ASAP2: variants seen among roughly 807,000 people sequenced by gnomAD.
The protein encoded by ASAP2 is arf-GAP with SH3 domain, ANK repeat and PH domain-containing protein 2.
Under a neutral mutation model 131.4 loss-of-function variants are expected in ASAP2, and 45 were observed. The ratio of observed to expected loss-of-function variants is 0.34; its 90% CI spans 0.27 to 0.44. The LOEUF is 0.44. Among genes scored for constraint, ASAP2 ranks in the 20% least tolerant of loss-of-function variants. The pLI, the probability that ASAP2 is intolerant of heterozygous loss-of-function variation, is 1.00. For missense variants in ASAP2, 1,011 were observed against 1,297.0 expected, an observed-to-expected ratio of 0.78 and a Z score of 3.39; for synonymous variants, 510 against 503.0, an observed-to-expected ratio of 1.01 and a Z score of -0.19.
intron 1 of ASAP2, among the ~76,000 whole-genome samples, chr2:9,241,911 T>A (rs759895832): frequency 1.1e-4 from 17 of 152,140 alleles, no homozygotes; most frequent in Non-Finnish European, 2.4e-4. Context: ...AGGGTCCCAA[T>A]AAGTTTAGGG....
chr2:9,277,116 T>C (rs1371773713), intron 1 of ASAP2, among the ~76,000 whole-genome samples: 3 of 152,218 alleles, frequency 2.0e-5, no homozygotes, highest in Non-Finnish European at 4.4e-5. Flanking sequence ...AAATGTGCTT[T>C]TCAAGAATGG....
At chr2:9,378,403 A>G (rs1321328391) in intron 18 of ASAP2, among the ~76,000 whole-genome samples, 1 of 152,228 alleles carries the variant, frequency 6.6e-6, no homozygotes, top group African/African-American at 2.4e-5. Context: ...GGGTATTCCC[A>G]GGGCAAACAG....
intron 1 of ASAP2, among the ~76,000 whole-genome samples, chr2:9,275,141 C>T (rs148130799): frequency 2.0e-4 from 29 of 148,284 alleles, no homozygotes; most frequent in East Asian, 7.9e-4. Context: ...AGGGCAGTGG[C>T]GCAATCATGG....
In ASAP2 at chr2:9,311,178, G is replaced by A. The variant is rs2148460827; in HGVS notation, c.346-7346G>A. Among the ~76,000 whole-genome samples, 1 of 152,230 alleles carries A rather than the reference G, an allele frequency of 6.6e-6. No individual in the cohort carries two copies. Among genetic ancestry groups the A allele is most frequent in the African/African-American group, 2.4e-5 (1 of 41,546 alleles). On this transcript the variant is annotated intron_variant, in intron 3 of 27. Coordinates refer to ENST00000281419, the MANE Select transcript of ASAP2 (RefSeq NM_003887.3). The surrounding 1 kb of genome is among the most constrained non-coding windows in gnomAD (Gnocchi z 5.2). ...AGGCTGAGGTGGGTAGGTTGCTTGA[G>A]CCCAGAAGTTTGAGACCAGCGTTGG...
chr2:9,375,106 C>CAAAAAA (rs112747713), intron 17 of ASAP2, among the ~76,000 whole-genome samples, 162 bp downstream of exon 17: 2 of 66,230 alleles, frequency 3.0e-5, no homozygotes, highest in Non-Finnish European at 3.6e-5. Context: ...CCCATCTCTA[C>CAAAAAA]AAAAAAAAAA....
chr2:9,339,029 A>AT (rs1210347232), intron 9 of ASAP2, among the ~76,000 whole-genome samples: 1 of 152,138 alleles, frequency 6.6e-6, no homozygotes, highest in East Asian at 1.9e-4. Flanking sequence ...AGTCAAAAAA[A>AT]TTGGCCAGTT....
intron 6 of ASAP2, among the ~76,000 whole-genome samples, chr2:9,325,040 T>G (rs1670394418): frequency 6.6e-6 from 1 of 152,124 alleles, no homozygotes; most frequent in Non-Finnish European, 1.5e-5. Flanking sequence ...TGTTTAGAGA[T>G]ATTCACTAGA....
At chr2:9,226,171 G>A (rs370327863) in intron 1 of ASAP2, among the ~76,000 whole-genome samples, 1 of 152,190 alleles carries the variant, frequency 6.6e-6, no homozygotes, top group East Asian at 1.9e-4. Context: ...CCACGTAGAC[G>A]ATAATGCTGT....
chr2:9,397,447 C>T (rs767868846), intron 24 of ASAP2, among the ~76,000 whole-genome samples: 3 of 152,076 alleles, frequency 2.0e-5, no homozygotes, highest in Admixed American at 6.6e-5. Context: ...CCGGGACAGA[C>T]GGGGATGGAC....
chr2:9,262,146 G>T (rs1050166791), intron 1 of ASAP2, among the ~76,000 whole-genome samples: 5 of 152,104 alleles, frequency 3.3e-5, no homozygotes, highest in Non-Finnish European at 5.9e-5. Context: ...CATCATGCCT[G>T]TATGAAGTTT....
chr2:9,256,833 A>C (rs1665198540), intron 1 of ASAP2, among the ~76,000 whole-genome samples: 1 of 152,210 alleles, frequency 6.6e-6, no homozygotes, highest in Non-Finnish European at 1.5e-5. Context: ...TTGGGTTTTA[A>C]AAAAGCACTG....
rs1661224193 is a variant in ASAP2, at chr2:9,207,692, G to A, written c.126+462G>A. ...GAGCGCCGCAGGGCCCCCACCCTCG[G>A]GTCCGCGGGTCCGGGGCATCCCGGG... is the stretch of plus-strand genomic sequence containing the variant. On this transcript the variant is annotated intron_variant, in intron 1 of 27. Coordinates refer to ENST00000281419, the MANE Select transcript of ASAP2 (RefSeq NM_003887.3). This position sits in a 1 kb window ranked among gnomAD's most constrained non-coding sequence, Gnocchi z 4.1. 6.6e-6 allele frequency among the ~76,000 whole-genome samples: 1 copy of A among 152,044 alleles called. No homozygotes were observed. The highest frequency in any genetic ancestry group is 6.5e-5 in the Admixed American group (1 of 15,276).
chr2:9,334,958 G>T, intron 8 of ASAP2, 135 bp from the exon 9 acceptor site: 8 of 1,339,368 alleles, frequency 6.0e-6, no homozygotes, highest in South Asian at 1.2e-5. Context: ...CCTCTGTCTT[G>T]GTGGGAGGGA....
rs1667117603 is a variant in ASAP2, at chr2:9,281,348, G to C, written c.199+1959G>C. On this transcript the variant is annotated intron_variant, in intron 2 of 27. Transcript: ENST00000281419. This position sits in a 1 kb window ranked among gnomAD's most constrained non-coding sequence, Gnocchi z 4.0. Reference sequence around the variant, plus strand: ...GAGGAGAGACTTGTGTGACTCCCAAGGCTGGCCCAGTGGCTGGCAGTACAG... The same window carrying C: ...GAGGAGAGACTTGTGTGACTCCCAACGCTGGCCCAGTGGCTGGCAGTACAG... Among the ~76,000 whole-genome samples, 3 of 152,288 alleles carry C rather than the reference G, an allele frequency of 2.0e-5. No individual in the cohort carries two copies. The South Asian group carries it at 6.2e-4, about 32-fold the overall frequency.
chr2:9,214,703 A>G (rs189009505), intron 1 of ASAP2, among the ~76,000 whole-genome samples: 2 of 150,158 alleles, frequency 1.3e-5, no homozygotes, highest in Admixed American at 6.7e-5. Context: ...TCATAAATGT[A>G]TATTGGGCCC....
At chr2:9,241,626 G>A (rs1212777224) in intron 1 of ASAP2, among the ~76,000 whole-genome samples, 1 of 152,184 alleles carries the variant, frequency 6.6e-6, no homozygotes, top group East Asian at 1.9e-4. Flanking sequence ...CCAGCCTGGA[G>A]TCTCAAACCA....
rs1167134683 is a variant in ASAP2, at chr2:9,383,100, C to CG, written c.2017-2138dup. On this transcript the variant is annotated intron_variant, in intron 20 of 27. Transcript: ENST00000281419. ...AGCCCTTGTCCACTGCATATCATCT[C>CG]GGGGGGGCCACGGGACTGTTTGAGT... is the stretch of plus-strand genomic sequence containing the variant. Among the ~76,000 whole-genome samples the CG allele has an allele frequency of 4.0e-5, 6 of 151,076 alleles. No homozygotes were observed. In the East Asian group the frequency reaches 7.8e-4, roughly 20 times the overall value.
rs573435760 is a variant in ASAP2, at chr2:9,380,761, C to G, written c.1969C>G (p.Pro657Ala). ...TTTAGCAAACGAGTCAGGAGAGACT[C>G]CGCTGGACATTGCCAAGCGCCTCAA... ...IEIANESGET[P>A]LDIAKRLKHE... The change falls in exon 20 of 28, where the codon CCG (proline) becomes GCG (alanine). Residue 657 changes from proline to alanine, a missense_variant. By Grantham distance (27) the Pro-to-Ala change is conservative. Transcript: ENST00000281419. 6.2e-7 allele frequency: 1 copy of G among 1,614,176 alleles called. No homozygotes were observed. The highest frequency in any genetic ancestry group is 2.2e-5 in the East Asian group (1 of 44,880).
chr2:9,272,145 A>G (rs1273362705), intron 1 of ASAP2, among the ~76,000 whole-genome samples: 2 of 152,174 alleles, frequency 1.3e-5, no homozygotes, highest in South Asian at 2.1e-4. Context: ...ACTGTTCTCC[A>G]TAGTGGTTGT....
Sources: allele counts gnomAD v4.1 joint callset (sites outside exome capture counted in the v4.1 genomes callset), GRCh38; gene constraint gnomAD v4.1.1; non-coding constraint Gnocchi (gnomAD v3.1); transcripts MANE v1.5; gene names NCBI Gene and HGNC (gene_info 2026-07-23, HGNC 2026-07-21).